TTC33: variants seen among roughly 807,000 people sequenced by gnomAD.
The protein encoded by TTC33 is tetratricopeptide repeat domain 33.
Under a neutral mutation model 29.4 loss-of-function variants are expected in TTC33, and 24 were observed. That is an observed-to-expected ratio of 0.82 (90% CI 0.59 to 1.15). The LOEUF is 1.15. Among genes scored for constraint, TTC33 ranks in the 50% most tolerant of loss-of-function variants. The pLI is 0.00. For missense variants in TTC33, 286 were observed against 310.4 expected (o/e 0.92, Z 0.59); for synonymous variants, 107 against 100.3 (o/e 1.07, Z -0.40).
intron 4 of TTC33, among the ~76,000 whole-genome samples, chr5:40,727,386 A>G (rs969690377): frequency 6.6e-6 from 1 of 152,244 alleles, no homozygotes; most frequent in Non-Finnish European, 1.5e-5. Flanking sequence ...TCAGGTGTAT[A>G]TAGCCCTGCC....
chr5:40,717,653 G>T (rs184382342), intron 4 of TTC33, among the ~76,000 whole-genome samples: 32 of 152,296 alleles, frequency 2.1e-4, no homozygotes, highest in Admixed American at 9.2e-4. Flanking sequence ...ATGTTCTCTG[G>T]GGGTAAAACT....
At chr5:40,746,324 A>C (rs2111932395) in intron 2 of TTC33, among the ~76,000 whole-genome samples, 1 of 152,356 alleles carries the variant, frequency 6.6e-6, no homozygotes, top group South Asian at 2.1e-4. Flanking sequence ...CTTCCTGTAC[A>C]GCAAGTCATA....
At chr5:40,722,721 T>A (rs1040299330) in intron 4 of TTC33, among the ~76,000 whole-genome samples, 6 of 149,944 alleles carry the variant, frequency 4.0e-5, no homozygotes, top group Non-Finnish European at 8.9e-5. Context: ...CAGCGCCCCG[T>A]CCGGGAGGTG....
intron 2 of TTC33, among the ~76,000 whole-genome samples, chr5:40,745,542 G>A (rs1742774470): frequency 6.6e-6 from 1 of 151,222 alleles, no homozygotes; most frequent in African/African-American, 2.4e-5. Flanking sequence ...GTTTTGTTTT[G>A]GAGACAGCGT....
At position 40,731,337 on chromosome 5, in the gene TTC33, C is replaced by A. The variant is rs1246703620; in HGVS notation, c.222-994G>T. Among the ~76,000 whole-genome samples the A allele has an allele frequency of 2.0e-5, 3 of 149,638 alleles. No individual in the cohort carries two copies. The East Asian group carries it at 6.0e-4, about 30-fold the overall frequency. The stretch of plus-strand genomic sequence containing the variant: ...TTATAGTCCCTACCCACATATCATG[C>A]CTTTGTTAGTATGGATCCCCTGCTA... On this transcript the variant is annotated intron_variant, in intron 2 of 4. Coordinates refer to ENST00000337702, the MANE Select transcript of TTC33 (RefSeq NM_012382.3).
At chr5:40,737,982 G>A (rs1367244103) in intron 2 of TTC33, among the ~76,000 whole-genome samples, 1 of 152,178 alleles carries the variant, frequency 6.6e-6, no homozygotes, top group African/African-American at 2.4e-5. Context: ...GGTTGTCCCA[G>A]TTCATGGACA....
Position 40,714,520 on chromosome 5 carries a change from T to C in TTC33, c.*1625A>G, listed in dbSNP as rs554071883. The C allele has an allele frequency of 2.1e-4, 32 of 152,300 alleles. No individual in the cohort carries two copies. In the East Asian group the frequency reaches 5.8e-3, roughly 28 times the overall value. 9.4% of individuals were successfully genotyped at this position (152,300 alleles called of 1,614,324 possible). A position where few individuals can be genotyped will look rare whatever the true frequency, so the allele number is the denominator to read the frequency against. On this transcript the variant is annotated 3_prime_UTR_variant, in exon 5 of 5. Transcript: ENST00000337702. ...TCACAAATTACACAAAAAACAAACATCCATTACTCAAAACAATATACCAAA... is the reference window on the plus strand; with the variant it reads ...TCACAAATTACACAAAAAACAAACACCCATTACTCAAAACAATATACCAAA...
At chr5:40,731,216 T>G (rs1742419761) in intron 2 of TTC33, among the ~76,000 whole-genome samples, 1 of 152,194 alleles carries the variant, frequency 6.6e-6, no homozygotes, top group African/African-American at 2.4e-5. Flanking sequence ...GTAGCAAATG[T>G]CTTTCCTCCA....
At chr5:40,726,627 A>AT (rs1217149739) in intron 4 of TTC33, among the ~76,000 whole-genome samples, 11 of 146,662 alleles carry the variant, frequency 7.5e-5, no homozygotes, top group Non-Finnish European at 7.5e-5. Context: ...AAAAAAAAAA[A>AT]GTCGAACTGG....
chr5:40,716,229 A>C lies in TTC33; in HGVS notation c.705T>G (p.Ser235=). ...VSANKTMVIV[S]ASGAIETVTE... is the part of the protein sequence containing the mutation. ...TTACAGTCTCTATGGCCCCAGAAGC[A>C]GACACAATAACCATTGTTTTATTTG... Residue 235 remains serine (S), a synonymous_variant, in exon 5 of 5, where the codon TCT becomes TCG. Coordinates refer to ENST00000337702, the MANE Select transcript of TTC33 (RefSeq NM_012382.3). 5.0e-6 allele frequency: 8 copies of C among 1,614,246 alleles called. No homozygotes were observed. Among genetic ancestry groups the C allele is most frequent in the Non-Finnish European group, 6.8e-6 (8 of 1,180,040 alleles).
At chr5:40,721,346 T>C (rs1180034347) in intron 4 of TTC33, among the ~76,000 whole-genome samples, 1 of 152,124 alleles carries the variant, frequency 6.6e-6, no homozygotes, top group African/African-American at 2.4e-5. Flanking sequence ...TACTCATGAA[T>C]TTCAAAATAT....
At chr5:40,725,318 T>A (rs1742255860) in intron 4 of TTC33, among the ~76,000 whole-genome samples, 1 of 152,080 alleles carries the variant, frequency 6.6e-6, no homozygotes. Context: ...CTCTCAATCA[T>A]CTTCCTTTTG....
chr5:40,748,733 T>C (rs1233817524), intron 1 of TTC33, among the ~76,000 whole-genome samples: 1 of 152,244 alleles, frequency 6.6e-6, no homozygotes, highest in Non-Finnish European at 1.5e-5. Flanking sequence ...TAGTGTTCAT[T>C]GTACTTTTTC....
At chr5:40,753,380 G>A (rs967688666) in intron 1 of TTC33, among the ~76,000 whole-genome samples, 16 of 151,092 alleles carry the variant, frequency 1.1e-4, no homozygotes, top group African/African-American at 3.4e-4. Flanking sequence ...AAAAAAGAAA[G>A]AAAGAAAGAA....
intron 4 of TTC33, among the ~76,000 whole-genome samples, chr5:40,722,487 T>C (rs1742162100): frequency 1.4e-5 from 2 of 146,976 alleles, no homozygotes; most frequent in African/African-American, 5.1e-5. Context: ...CGGCCCATCG[T>C]CTGGGATGTG....
At chr5:40,718,304 G>T (rs1208507196) in intron 4 of TTC33, among the ~76,000 whole-genome samples, 1 of 152,156 alleles carries the variant, frequency 6.6e-6, no homozygotes, top group Non-Finnish European at 1.5e-5. Flanking sequence ...TACTTAGGAG[G>T]CTGAGGCAGG....
intron 1 of TTC33, among the ~76,000 whole-genome samples, chr5:40,750,307 C>T (rs187437189): frequency 9.2e-5 from 14 of 152,182 alleles, no homozygotes; most frequent in African/African-American, 1.4e-4. Flanking sequence ...TGTTGGCTCA[C>T]GCCTGTAATC....
At chr5:40,738,478 AC>A (rs1196568063) in intron 2 of TTC33, among the ~76,000 whole-genome samples, 21 of 137,682 alleles carry the variant, frequency 1.5e-4, no homozygotes, top group African/African-American at 2.2e-4. Flanking sequence ...ACAATACAAT[AC>A]AATACAATAC....
chr5:40,720,464 A>G (rs1256410381), intron 4 of TTC33, among the ~76,000 whole-genome samples: 3 of 152,232 alleles, frequency 2.0e-5, no homozygotes, highest in African/African-American at 7.2e-5. Flanking sequence ...CATATTTACT[A>G]AACTTAAATA....
Sources: allele counts gnomAD v4.1 joint callset (sites outside exome capture counted in the v4.1 genomes callset), GRCh38; gene constraint gnomAD v4.1.1; transcripts MANE v1.5; gene names NCBI Gene and HGNC (gene_info 2026-07-23, HGNC 2026-07-21).